NDNF: variants seen among roughly 807,000 people sequenced by gnomAD.
NDNF encodes the protein protein NDNF.
NDNF carries 16 observed loss-of-function variants against 42.0 expected under a neutral mutation model. That is an observed-to-expected ratio of 0.38 (90% confidence interval 0.26 to 0.58). The LOEUF (loss-of-function observed/expected upper bound fraction) is 0.58. Ranked by LOEUF, NDNF falls within the 20% of genes least tolerant of loss-of-function variation. The pLI is 0.67. For missense variants in NDNF, 616 were observed against 666.2 expected, an observed-to-expected ratio of 0.92 and a Z score of 0.83; for synonymous variants, 248 against 251.7, an observed-to-expected ratio of 0.99 and a Z score of 0.14.
rs1396174400 is a variant in NDNF, at chr4:121,071,993, C to G, written c.-2G>C. 6.6e-6 allele frequency: 1 copy of G among 152,264 alleles called. No individual in the cohort carries two copies. Among genetic ancestry groups the G allele is most frequent in the Non-Finnish European group, 1.5e-5 (1 of 68,198 alleles). 9.4% of individuals were successfully genotyped at this position (152,264 alleles called of 1,614,324 possible). On this transcript the variant is annotated splice_region_variant and 5_prime_UTR_variant, in exon 1 of 4. Coordinates refer to ENST00000379692, the MANE Select transcript of NDNF (RefSeq NM_024574.4). ...GCATTGCTTTCCTCTCCCCACTTAC[C>G]TTAAAAAGATCTGTTTTTCGTAGGG...
intron 1 of NDNF, among the ~76,000 whole-genome samples, chr4:121,069,155 G>T (rs1388009417): frequency 6.6e-6 from 1 of 152,116 alleles, no homozygotes. Flanking sequence ...CAAGGTTCAC[G>T]CAGCCAACTA....
intron 1 of NDNF, among the ~76,000 whole-genome samples, chr4:121,047,899 G>C (rs1727121807): frequency 1.3e-5 from 2 of 151,978 alleles, no homozygotes; most frequent in Non-Finnish European, 2.9e-5. Flanking sequence ...GCTCATGAGA[G>C]TTGCTAACAG....
At chr4:121,062,658 C>A (rs13137605) in intron 1 of NDNF, among the ~76,000 whole-genome samples, 5 of 152,158 alleles carry the variant, frequency 3.3e-5, no homozygotes, top group Admixed American at 2.6e-4. Flanking sequence ...TCCTTTCCCC[C>A]CCAAGGAAGT....
chr4:121,059,016 G>A (rs1727351516), intron 1 of NDNF, among the ~76,000 whole-genome samples: 1 of 151,894 alleles, frequency 6.6e-6, no homozygotes, highest in Non-Finnish European at 1.5e-5. Flanking sequence ...TTCCCAGCAA[G>A]TGCCTCTAGC....
Position 121,045,739 on chromosome 4 carries a change from C to A in NDNF, c.99G>T (p.Gln33His), listed in dbSNP as rs760205671. The A allele has an allele frequency of 6.2e-7, 1 of 1,614,186 alleles. No homozygotes were observed. Among genetic ancestry groups the A allele is most frequent in the South Asian group, 1.1e-5 (1 of 91,078 alleles). Residue 33 changes from glutamine (Q) to histidine (H), a missense_variant, in exon 2 of 4, where the codon CAG (glutamine) becomes CAT (histidine). Physicochemically the swap from Gln to His is conservative, Grantham distance 24 (BLOSUM62 0). Transcript: ENST00000379692. ...CATGAAAAAATGCCTTGTCCCGGAT[C>A]TGCATCTGAAAAAGTTCCTCATCCC... ...PTRDEELFQM[Q>H]IRDKAFFHDS...
intron 2 of NDNF, among the ~76,000 whole-genome samples, chr4:121,041,818 T>C (rs1461527232): frequency 6.6e-6 from 1 of 152,186 alleles, no homozygotes; most frequent in Non-Finnish European, 1.5e-5. Flanking sequence ...GGAGTTCTTT[T>C]CAGGCAGAGA....
intron 2 of NDNF, among the ~76,000 whole-genome samples, chr4:121,044,478 T>G (rs1395490239): frequency 6.6e-6 from 1 of 151,196 alleles, no homozygotes; most frequent in African/African-American, 2.4e-5. Context: ...TAACTTTAAA[T>G]GTAATTAATT....
At chr4:121,065,746 T>A (rs1579323483) in intron 1 of NDNF, among the ~76,000 whole-genome samples, 2 of 145,328 alleles carry the variant, frequency 1.4e-5, no homozygotes, top group African/African-American at 2.5e-5. Flanking sequence ...ACACATATAT[T>A]TTACATATGT....
Position 121,040,025 on chromosome 4 carries a change from G to A in NDNF, c.218C>T (p.Thr73Ile). The A allele has an allele frequency of 1.2e-6, 2 of 1,613,884 alleles. No individual in the cohort carries two copies. The highest frequency in any genetic ancestry group is 1.7e-6 in the Non-Finnish European group (2 of 1,179,912). ...RYFFVVEEDNTPLSVTVTPCD... is the reference protein window; with the variant it reads ...RYFFVVEEDNIPLSVTVTPCD... ...GGGCGTCACTGTGACTGATAATGGA[G>A]TATTGTCTTCTTCAACCACAAAGAA... Residue 73 changes from threonine to isoleucine, a missense_variant, in exon 3 of 4, where the codon ACT (threonine) becomes ATT (isoleucine). Coordinates refer to ENST00000379692, the MANE Select transcript of NDNF (RefSeq NM_024574.4).
chr4:121,049,802 T>A (rs941470809), intron 1 of NDNF, among the ~76,000 whole-genome samples: 9 of 152,220 alleles, frequency 5.9e-5, no homozygotes, highest in Non-Finnish European at 1.2e-4. Flanking sequence ...CAGGCCACAT[T>A]TTTTGTTTCT....
chr4:121,049,512 G>A (rs957123793), intron 1 of NDNF, among the ~76,000 whole-genome samples: 27 of 152,170 alleles, frequency 1.8e-4, no homozygotes, highest in African/African-American at 6.5e-4. Flanking sequence ...ACGTCACTCT[G>A]AGTAATAAAG....
intron 2 of NDNF, among the ~76,000 whole-genome samples, chr4:121,043,933 T>C (rs1466363711): frequency 2.0e-5 from 3 of 152,250 alleles, no homozygotes; most frequent in African/African-American, 4.8e-5. Context: ...TGCCTTTTAC[T>C]GTTTTCACAG....
intron 1 of NDNF, among the ~76,000 whole-genome samples, chr4:121,068,643 G>A (rs764524463): frequency 2.6e-5 from 4 of 152,122 alleles, no homozygotes; most frequent in Admixed American, 6.5e-5. Context: ...GACTGGCAAG[G>A]TTCAGCTGCT....
chr4:121,063,643 C>T (rs1560610335), intron 1 of NDNF, among the ~76,000 whole-genome samples: 1 of 151,944 alleles, frequency 6.6e-6, no homozygotes, highest in Non-Finnish European at 1.5e-5. Context: ...AACTGATAAC[C>T]TAGTTTACCT....
At chr4:121,049,656 T>G (rs1026651745) in intron 1 of NDNF, among the ~76,000 whole-genome samples, 1 of 152,230 alleles carries the variant, frequency 6.6e-6, no homozygotes, top group Non-Finnish European at 1.5e-5. Flanking sequence ...TTCTATTTAT[T>G]AAACTATTTT....
chr4:121,057,511 C>G (rs1390023448), intron 1 of NDNF, among the ~76,000 whole-genome samples: 1 of 152,142 alleles, frequency 6.6e-6, no homozygotes, highest in African/African-American at 2.4e-5. Context: ...ACCCGGCAGT[C>G]AGGTCAGGTG....
chr4:121,040,587 C>T (rs11939546), intron 2 of NDNF, among the ~76,000 whole-genome samples: 15,288 of 152,206 alleles, frequency 0.1, 1,322 homozygotes, highest in African/African-American at 0.24. Context: ...GGCAATATAA[C>T]GCTGTATTCA....
At position 121,047,403 on chromosome 4, in the gene NDNF, C is replaced by A. The variant is rs182322795; in HGVS notation, c.-1-1565G>T. Reference sequence around the variant, plus strand: ...GTTGCATTACTACTTTTAGTCCTCACAATAAGCCTGTGAAGTAGCTGCTAT... The same window carrying A: ...GTTGCATTACTACTTTTAGTCCTCAAAATAAGCCTGTGAAGTAGCTGCTAT... On this transcript the variant is annotated intron_variant, in intron 1 of 3. Coordinates refer to ENST00000379692, the MANE Select transcript of NDNF (RefSeq NM_024574.4). 7.4e-3 allele frequency among the ~76,000 whole-genome samples: 1,124 copies of A among 152,320 alleles called. 8 individuals carry two copies. The highest frequency in any genetic ancestry group is 0.013 in the Non-Finnish European group (879 of 68,030).
intron 1 of NDNF, among the ~76,000 whole-genome samples, chr4:121,065,406 T>C (rs778023941): frequency 7.9e-5 from 12 of 151,736 alleles, no homozygotes; most frequent in Non-Finnish European, 1.8e-4. Flanking sequence ...TGAATATCTG[T>C]TCAGTACGAT....
Sources: allele counts gnomAD v4.1 joint callset (sites outside exome capture counted in the v4.1 genomes callset), GRCh38; gene constraint gnomAD v4.1.1; transcripts MANE v1.5; gene names NCBI Gene and HGNC (gene_info 2026-07-23, HGNC 2026-07-21).